INSYN2B: variants seen among roughly 807,000 people sequenced by gnomAD.
INSYN2B encodes inhibitory synaptic factor family member 2B.
INSYN2B carries 16 observed loss-of-function variants against 41.2 expected under a neutral mutation model. The observed-to-expected ratio is 0.39, with a 90% confidence interval of 0.26 to 0.59. The LOEUF (loss-of-function observed/expected upper bound fraction) is 0.59. Among genes scored for constraint, INSYN2B ranks in the 20% least tolerant of loss-of-function variants. The pLI, the probability that INSYN2B is intolerant of heterozygous loss-of-function variation, is 0.57. For missense variants in INSYN2B, 608 were observed against 646.4 expected (o/e 0.94, Z 0.64); for synonymous variants, 245 against 244.4 (o/e 1.00, Z -0.02).
At chr5:169,935,752 T>G (rs562549786) in intron 1 of INSYN2B, among the ~76,000 whole-genome samples, 21 of 152,322 alleles carry the variant, frequency 1.4e-4, no homozygotes, top group Admixed American at 2.0e-4. Context: ...TTGTGCACAG[T>G]ACACTGACTT....
chr5:169,905,229 C>A (rs1426241629), intron 1 of INSYN2B, among the ~76,000 whole-genome samples: 1 of 151,846 alleles, frequency 6.6e-6, no homozygotes, highest in Non-Finnish European at 1.5e-5. Context: ...CAAAGGGGAC[C>A]CCTGCTGTCA....
At chr5:169,904,687 A>C (rs1394167218) in intron 1 of INSYN2B, among the ~76,000 whole-genome samples, 2 of 152,160 alleles carry the variant, frequency 1.3e-5, no homozygotes, top group Admixed American at 1.3e-4. Flanking sequence ...TAAACAGACA[A>C]TAAGTCTGAC....
intron 1 of INSYN2B, among the ~76,000 whole-genome samples, chr5:169,977,075 C>A (rs536488802): frequency 1.5e-4 from 23 of 152,298 alleles, no homozygotes; most frequent in Non-Finnish European, 1.2e-4. Flanking sequence ...AACTGGGGAA[C>A]TAAGTTTTCG....
intron 3 of INSYN2B, among the ~76,000 whole-genome samples, chr5:169,869,254 T>C (rs1267758175): frequency 6.6e-6 from 1 of 152,204 alleles, no homozygotes; most frequent in African/African-American, 2.4e-5. Context: ...TATGTTTCTA[T>C]GGAAACACAG....
At chr5:169,924,536 G>A (rs527307251) in intron 1 of INSYN2B, among the ~76,000 whole-genome samples, 1 of 152,298 alleles carries the variant, frequency 6.6e-6, no homozygotes, top group African/African-American at 2.4e-5. Context: ...TCTTTTGGCT[G>A]CTTCTTGGGT....
intron 1 of INSYN2B, among the ~76,000 whole-genome samples, chr5:169,911,876 A>T (rs777713435): frequency 6.6e-6 from 1 of 152,222 alleles, no homozygotes; most frequent in Non-Finnish European, 1.5e-5. Context: ...TGCTGGGAAA[A>T]ATAATGCCCC....
intron 1 of INSYN2B, among the ~76,000 whole-genome samples, chr5:169,973,120 A>G (rs1363576): frequency 0.57 from 87,089 of 152,060 alleles, 25,085 homozygotes; most frequent in Admixed American, 0.66. Context: ...CCTTTTATCC[A>G]CAAAGTAATC....
At chr5:169,970,011 G>T (rs1484018376) in intron 1 of INSYN2B, among the ~76,000 whole-genome samples, 1 of 152,228 alleles carries the variant, frequency 6.6e-6, no homozygotes, top group African/African-American at 2.4e-5. Flanking sequence ...GGCTATGTGA[G>T]GCCTACAGGC....
chr5:169,937,915 T>C (rs549741993), intron 1 of INSYN2B, among the ~76,000 whole-genome samples: 5 of 152,216 alleles, frequency 3.3e-5, no homozygotes, highest in African/African-American at 1.2e-4. Context: ...CTCCCTTCTT[T>C]GTCTTTCACA....
Position 169,882,916 on chromosome 5 carries a change from T to C in INSYN2B, c.983A>G (p.Asp328Gly), listed in dbSNP as rs987898741. ...GTGATTGTTACTTGATGAAGGACAG[T>C]CTGAGGCTCTTCCTGGGTGGGCTGG... ...SQPAHPGRAS[D>G]CPSSSNNHQN... Residue 328 changes from aspartate to glycine, a missense_variant, in exon 2 of 4, where the codon GAC becomes GGC. By Grantham distance (94) the Asp-to-Gly change is moderately conservative (BLOSUM62 -1). Coordinates refer to ENST00000377365, the MANE Select transcript of INSYN2B (RefSeq NM_001129891.3). 1 of 1,551,980 alleles carries C rather than the reference T, an allele frequency of 6.4e-7. No individual in the cohort carries two copies. The highest frequency in any genetic ancestry group is 2.0e-5 in the Admixed American group (1 of 50,996).
At chr5:169,977,547 A>C (rs1053098121) in intron 1 of INSYN2B, among the ~76,000 whole-genome samples, 4 of 152,208 alleles carry the variant, frequency 2.6e-5, no homozygotes, top group Admixed American at 2.6e-4. Flanking sequence ...GAGGCAGCTG[A>C]GGCACAAGAC....
At chr5:169,954,465 C>T (rs918974311) in intron 1 of INSYN2B, among the ~76,000 whole-genome samples, 4 of 152,152 alleles carry the variant, frequency 2.6e-5, no homozygotes, top group Non-Finnish European at 4.4e-5. Flanking sequence ...TCAGGTAAGG[C>T]AATAGATGAA....
In INSYN2B at chr5:169,980,308, G is replaced by C. The variant is rs1777894624; in HGVS notation, c.-950C>G. On this transcript the variant is annotated 5_prime_UTR_variant, in exon 1 of 4. Coordinates refer to ENST00000377365, the MANE Select transcript of INSYN2B (RefSeq NM_001129891.3). The stretch of plus-strand genomic sequence containing the variant: ...GCAGTGGAATTACCTGCAGAGGATG[G>C]TCCCCCTTCCTTGCACAATGAGCCA... The C allele has an allele frequency of 6.6e-6, 1 of 152,130 alleles. No individual in the cohort carries two copies. Among genetic ancestry groups the C allele is most frequent in the Non-Finnish European group, 1.5e-5 (1 of 68,022 alleles). The allele number at this position is 152,130 out of a possible 1,614,324, so 9.4% of individuals were successfully genotyped here. A position where few individuals can be genotyped will look rare whatever the true frequency, so the allele number is the denominator to read the frequency against.
intron 1 of INSYN2B, among the ~76,000 whole-genome samples, chr5:169,979,101 G>T (rs1307324409): frequency 2.0e-5 from 3 of 152,144 alleles, no homozygotes; most frequent in Non-Finnish European, 2.9e-5. Flanking sequence ...TTTCTGCCCG[G>T]GATGAAAAGA....
chr5:169,947,822 A>G (rs114628938), intron 1 of INSYN2B, among the ~76,000 whole-genome samples: 1 of 152,192 alleles, frequency 6.6e-6, no homozygotes, highest in Non-Finnish European at 1.5e-5. Flanking sequence ...ATGAGCATAC[A>G]TAAATACATA....
At chr5:169,868,580 G>A (rs374102518) in intron 3 of INSYN2B, among the ~76,000 whole-genome samples, 1 of 152,084 alleles carries the variant, frequency 6.6e-6, no homozygotes, top group African/African-American at 2.4e-5. Context: ...GCAACATAGC[G>A]AGACACCATC....
chr5:169,866,860 C>A (rs1411774176), intron 3 of INSYN2B, among the ~76,000 whole-genome samples: 1 of 152,164 alleles, frequency 6.6e-6, no homozygotes, highest in Non-Finnish European at 1.5e-5. Context: ...GAGTTTCTCC[C>A]CACTACCAAG....
At chr5:169,877,812 A>G (rs1243475425) in intron 3 of INSYN2B, among the ~76,000 whole-genome samples, 1 of 151,848 alleles carries the variant, frequency 6.6e-6, no homozygotes, top group Non-Finnish European at 1.5e-5. Flanking sequence ...GACAAACAAA[A>G]CCTCTTCTAT....
At chr5:169,954,340 A>G (rs1776781581) in intron 1 of INSYN2B, among the ~76,000 whole-genome samples, 1 of 152,272 alleles carries the variant, frequency 6.6e-6, no homozygotes, top group African/African-American at 2.4e-5. Flanking sequence ...CTTAACAATT[A>G]ATGATGTTTA....
Sources: gnomAD v4.1 joint callset for allele counts (sites outside exome capture counted in the v4.1 genomes callset) on GRCh38, gnomAD v4.1.1 for gene constraint, MANE v1.5 for transcripts, NCBI Gene and HGNC (gene_info 2026-07-23, HGNC 2026-07-21) for gene names.